Variants in GNB3 observed in about 807,000 individuals in gnomAD.
GNB3 encodes the protein G protein subunit beta 3, also known as guanine nucleotide-binding protein G(I)/G(S)/G(T) subunit beta-3.
Under a neutral mutation model 41.2 loss-of-function variants are expected in GNB3, and 33 were observed. That is an observed-to-expected ratio of 0.80 (90% CI 0.61 to 1.07). GNB3 has a LOEUF of 1.07. Among genes scored for constraint, GNB3 ranks in the 50% least tolerant of loss-of-function variants. The pLI, the probability that GNB3 is intolerant of heterozygous loss-of-function variation, is 0.00. For missense variants in GNB3, 409 were observed against 455.3 expected (o/e 0.90, Z 0.92); for synonymous variants, 172 against 173.4 (o/e 0.99, Z 0.06).
At position 6,846,691 on chromosome 12, in the gene GNB3, A is replaced by C. The variant is rs1555124782; in HGVS notation, c.917-101A>C. The C allele has an allele frequency of 2.2e-4, 145 of 646,478 alleles. No individual in the cohort carries two copies. In the African/African-American group the frequency reaches 3.1e-3, roughly 14 times the overall value. 40.0% of individuals were successfully genotyped at this position (646,478 alleles called of 1,614,324 possible). A position where few individuals can be genotyped will look rare whatever the true frequency, so the allele number is the denominator to read the frequency against. ...CATATCCCCCCACACACCCACATAC[A>C]CACACACACCCACACACCCACACAT... On this transcript the variant is annotated intron_variant, in intron 9 of 9. Coordinates refer to ENST00000229264, the MANE Select transcript of GNB3 (RefSeq NM_002075.4).
chr12:6,845,812 AGCC>A lies in GNB3; in HGVS notation c.916+11_916+13del. ...AAGTCTGAGCGTGTGGGTAAGGGCC[AGCC>A]CTGGCTGCTGCTTCCTCAGCTGGAA... On this transcript the variant is annotated intron_variant, in intron 9 of 9. Transcript: ENST00000229264. 1 of 1,595,178 alleles carries A rather than the reference AGCC, an allele frequency of 6.3e-7. No individual in the cohort carries two copies. Among genetic ancestry groups the A allele is most frequent in the Non-Finnish European group, 8.6e-7 (1 of 1,163,014 alleles).
At position 6,846,875 on chromosome 12, in the gene GNB3, A is replaced by G; in HGVS notation, c.1000A>G (p.Ser334Gly). The G allele has an allele frequency of 6.3e-7, 1 of 1,592,300 alleles. No individual in the cohort carries two copies. Among genetic ancestry groups the G allele is most frequent in the East Asian group, 2.3e-5 (1 of 44,342 alleles). Residue 334 changes from serine (S) to glycine (G), a missense_variant, in exon 10 of 10, where the codon AGC becomes GGC. Transcript: ENST00000229264. ...GMAVATGSWD[S>G]FLKIWN ...GGCTGTGGCCACAGGTTCCTGGGAC[A>G]GCTTCCTCAAAATCTGGAACTGAGG...
intron 9 of GNB3, 28 bp from the exon 10 acceptor site, chr12:6,846,764 C>A: frequency 7.5e-7 from 1 of 1,333,676 alleles, no homozygotes; most frequent in Non-Finnish European, 1.1e-6. Flanking sequence ...CTTGGAGAGA[C>A]AGGCTGACTC....
chr12:6,845,387 C>T lies in GNB3; in HGVS notation c.700-199C>T, dbSNP rs782674795. 6.9e-5 allele frequency: 41 copies of T among 590,454 alleles called. No homozygotes were observed. The Admixed American group carries it at 1.0e-3, about 14-fold the overall frequency. 36.6% of individuals were successfully genotyped at this position (590,454 alleles called of 1,614,324 possible). On this transcript the variant is annotated intron_variant, in intron 8 of 9. Transcript: ENST00000229264. ...GCCTGCAGCGCTGTATAGTGCAGAG[C>T]GGGCGAGGGGCATAGGGAAGTCACT...
Position 6,843,782 on chromosome 12 carries a change from T to C in GNB3, c.503T>C (p.Leu168Ser). The C allele has an allele frequency of 1.9e-6, 3 of 1,613,980 alleles. 1 individual carries two copies. The highest frequency in any genetic ancestry group is 4.5e-5 in the East Asian group (2 of 44,892). The stretch of plus-strand genomic sequence containing the variant: ...GTCTCCCTCCATTTTGGCAGTGCCT[T>C]GTGGGACATTGAGACTGGGCAGCAG... ...VTSSGDTTCA[L>S]WDIETGQQKT... Residue 168 changes from leucine to serine, a missense_variant, in exon 8 of 10, where the codon TTG becomes TCG. Transcript: ENST00000229264. This position sits in a 1 kb window ranked among gnomAD's most constrained non-coding sequence, Gnocchi z 5.9.
Position 6,843,852 on chromosome 12 carries a change from T to C in GNB3, c.573T>C (p.Ala191=). 1 of 1,614,060 alleles carries C rather than the reference T, an allele frequency of 6.2e-7. No homozygotes were observed. Among genetic ancestry groups the C allele is most frequent in the South Asian group, 1.1e-5 (1 of 91,070 alleles). ...VGHTGDCMSL[A]VSPDFNLFIS... The stretch of plus-strand genomic sequence containing the variant: ...ACACGGGTGACTGCATGAGCCTGGC[T>C]GTGTCTCCTGACTTCAATCTCTTCA... The change falls in exon 8 of 10, where the codon GCT becomes GCC. Residue 191 remains alanine, a synonymous_variant. Transcript: ENST00000229264. The surrounding 1 kb of genome is among the most constrained non-coding windows in gnomAD (Gnocchi z 5.9).
At chr12:6,844,926 G>A (rs1211035919) in intron 8 of GNB3, 2 of 152,124 alleles carry the variant, frequency 1.3e-5, no homozygotes, top group Non-Finnish European at 2.9e-5. Context: ...TTAAGATCAG[G>A]AAACTCAACA....
chr12:6,844,031 C>T (rs1555124048), intron 8 of GNB3, 53 bp downstream of exon 8: 1 of 1,285,042 alleles, frequency 7.8e-7, no homozygotes, highest in African/African-American at 1.5e-5. Context: ...CGACACTCCC[C>T]ACAACACATA....
chr12:6,844,038 C>T (rs1462922638), intron 8 of GNB3, 60 bp downstream of exon 8: 2 of 1,108,998 alleles, frequency 1.8e-6, no homozygotes, highest in Non-Finnish European at 2.6e-6. Flanking sequence ...CCCCACAACA[C>T]ATACAATACA....
At chr12:6,844,057 G>C in intron 8 of GNB3, 79 bp downstream of exon 8, 1 of 829,588 alleles carries the variant, frequency 1.2e-6, no homozygotes, top group Non-Finnish European at 1.8e-6. Context: ...CACATCCTCT[G>C]CCCCTCCCAT....
At position 6,843,801 on chromosome 12, in the gene GNB3, G is replaced by A. The variant is rs782392907; in HGVS notation, c.522G>A (p.Gly174=). ...GTGCCTTGTGGGACATTGAGACTGGGCAGCAGAAGACTGTATTTGTGGGAC... is the reference window on the plus strand; with the variant it reads ...GTGCCTTGTGGGACATTGAGACTGGACAGCAGAAGACTGTATTTGTGGGAC... The part of the protein sequence containing the change: ...TTCALWDIET[G]QQKTVFVGHT... The change falls in exon 8 of 10, where the codon GGG becomes GGA. Residue 174 remains glycine (G), a synonymous_variant. Coordinates refer to ENST00000229264, the MANE Select transcript of GNB3 (RefSeq NM_002075.4). The surrounding 1 kb of genome is among the most constrained non-coding windows in gnomAD (Gnocchi z 5.9). 2 of 1,614,074 alleles carry A rather than the reference G, an allele frequency of 1.2e-6. No individual in the cohort carries two copies. The highest frequency in any genetic ancestry group is 1.7e-6 in the Non-Finnish European group (2 of 1,179,934).
At chr12:6,845,435 G>A in intron 8 of GNB3, 151 bp from the exon 9 acceptor site, 2 of 625,004 alleles carry the variant, frequency 3.2e-6, no homozygotes, top group Non-Finnish European at 5.8e-6. Context: ...GTGTTGGCAG[G>A]GCTGCTTCTC....
Position 6,846,772 on chromosome 12 carries a change from C to T in GNB3, c.917-20C>T, listed in dbSNP as rs782709542. The T allele has an allele frequency of 2.4e-5, 35 of 1,441,252 alleles. No individual in the cohort carries two copies. In the Middle Eastern group the frequency reaches 5.2e-4, roughly 21 times the overall value. The allele number at this position is 1,441,252 out of a possible 1,614,324, so 89.3% of individuals were successfully genotyped here. On this transcript the variant is annotated intron_variant, in intron 9 of 9. Transcript: ENST00000229264. ...AAATCAGCTTGGAGAGACAGGCTGA[C>T]TCCTTTCCCTCTTCCTCAGGCATCC... is the stretch of plus-strand genomic sequence containing the variant.
Position 6,846,403 on chromosome 12 carries a change from T to G in GNB3, c.917-389T>G, listed in dbSNP as rs782178794. On this transcript the variant is annotated intron_variant, in intron 9 of 9. Transcript: ENST00000229264. ...AGAAATAGGATGAACGGTTGCCTTC[T>G]CTTTTCCAGCACCTGTCAAGGTGCC... 1.1e-3 allele frequency: 201 copies of G among 177,842 alleles called. 1 individual carries two copies. The highest frequency in any genetic ancestry group is 4.4e-3 in the African/African-American group (185 of 42,524). 11.0% of individuals were successfully genotyped at this position (177,842 alleles called of 1,614,324 possible). A position where few individuals can be genotyped will look rare whatever the true frequency, so the allele number is the denominator to read the frequency against.
Position 6,843,979 on chromosome 12 carries a change from G to A in GNB3, c.699+1G>A, listed in dbSNP as rs782064893. On this transcript the variant is annotated splice_donor_variant, in intron 8 of 9. Coordinates refer to ENST00000229264, the MANE Select transcript of GNB3 (RefSeq NM_002075.4). LOFTEE classifies it high-confidence loss of function. The surrounding 1 kb of genome is among the most constrained non-coding windows in gnomAD (Gnocchi z 5.9). ...CGAGTCGGACATCAACGCCATCTGT[G>A]TGAGTGCACCCCCCACCCCAGCTTC... is the stretch of plus-strand genomic sequence containing the variant. 1.2e-6 allele frequency: 2 copies of A among 1,603,470 alleles called. No individual in the cohort carries two copies. Among genetic ancestry groups the A allele is most frequent in the Non-Finnish European group, 1.7e-6 (2 of 1,173,580 alleles).
rs782780703 is a variant in GNB3, at chr12:6,843,462, A to G, written c.367A>G (p.Ile123Val). Residue 123 changes from isoleucine to valine, a missense_variant, in exon 6 of 10, where the codon ATC (isoleucine) becomes GTC (valine). Ile to Val is a conservative substitution (Grantham distance 29, BLOSUM62 3). Coordinates refer to ENST00000229264, the MANE Select transcript of GNB3 (RefSeq NM_002075.4). This position sits in a 1 kb window ranked among gnomAD's most constrained non-coding sequence, Gnocchi z 5.9. ...ACGGLDNMCS[I>V]YNLKSREGNV... The stretch of plus-strand genomic sequence containing the variant: ...TGGGGGGCTGGACAACATGTGTTCC[A>G]TCTACAACCTCAAATCCCGTGAGGG... The G allele has an allele frequency of 7.4e-6, 12 of 1,614,044 alleles. No homozygotes were observed. The highest frequency in any genetic ancestry group is 1.0e-5 in the Non-Finnish European group (12 of 1,179,998).
rs782540919 is a variant in GNB3, at chr12:6,842,235, A to T, written c.96+611A>T. On this transcript the variant is annotated intron_variant, in intron 3 of 9. Coordinates refer to ENST00000229264, the MANE Select transcript of GNB3 (RefSeq NM_002075.4). ...ACACCTTGAGTAAACAGACTCAGGG[A>T]GGTGAAGCAACTTGCCCAAGATAAC... is the stretch of plus-strand genomic sequence containing the variant. Among the ~76,000 whole-genome samples the T allele has an allele frequency of 1.5e-4, 23 of 152,286 alleles. No individual in the cohort carries two copies. The East Asian group carries it at 3.3e-3, about 22-fold the overall frequency.
Position 6,847,210 on chromosome 12 carries a change from G to A in GNB3, c.*312G>A. ...CAGCAGACTTGAGTCTGAGGCCCCA[G>A]GCCCTAGGATTCCTCCCCCAGAGCC... On this transcript the variant is annotated 3_prime_UTR_variant, in exon 10 of 10. Transcript: ENST00000229264. 2.8e-6 allele frequency: 1 copy of A among 356,940 alleles called. No individual in the cohort carries two copies. Among genetic ancestry groups the A allele is most frequent in the African/African-American group, 2.0e-5 (1 of 49,214 alleles). The allele number at this position is 356,940 out of a possible 1,614,324, so 22.1% of individuals were successfully genotyped here.
rs61747607 is a variant in GNB3 at position 6,843,496 on chromosome 12, A to G, written c.401A>G (p.Lys134Arg). The change falls in exon 6 of 10, where the codon AAG becomes AGG. Residue 134 changes from lysine to arginine, a missense_variant. Coordinates refer to ENST00000229264, the MANE Select transcript of GNB3 (RefSeq NM_002075.4). The surrounding 1 kb of genome is among the most constrained non-coding windows in gnomAD (Gnocchi z 5.9). ...YNLKSREGNV[K>R]VSRELSAHTG... ...CTCAAATCCCGTGAGGGCAATGTCA[A>G]GGTCAGCCGGGAGCTTTCTGCTCAC... is the stretch of plus-strand genomic sequence containing the variant. The G allele has an allele frequency of 5.0e-4, 809 of 1,614,174 alleles. 2 individuals are homozygous for G. The African/African-American group carries it at 7.1e-3, about 14-fold the overall frequency.
Sources: allele counts gnomAD v4.1 joint callset (sites outside exome capture counted in the v4.1 genomes callset), GRCh38; gene constraint gnomAD v4.1.1; non-coding constraint Gnocchi (gnomAD v3.1); transcripts MANE v1.5; gene names NCBI Gene and HGNC (gene_info 2026-07-23, HGNC 2026-07-21).